Variants in TBC1D22A observed in about 807,000 individuals in gnomAD.
The protein encoded by TBC1D22A is TBC1 domain family member 22A.
TBC1D22A carries 38 observed loss-of-function variants against 60.2 expected under a neutral mutation model. That is an observed-to-expected ratio of 0.63 (90% CI 0.49 to 0.83). The LOEUF (loss-of-function observed/expected upper bound fraction) is 0.83. Ranked by LOEUF, TBC1D22A falls within the 40% of genes least tolerant of loss-of-function variation. The probability of loss-of-function intolerance (pLI) is 0.00; values close to 1 mark genes in which losing one functional copy is unlikely to be tolerated. For missense variants in TBC1D22A, 628 were observed against 701.0 expected (o/e 0.90, Z 1.18); for synonymous variants, 302 against 281.7 (o/e 1.07, Z -0.72).
intron 4 of TBC1D22A, among the ~76,000 whole-genome samples, chr22:46,800,697 T>C (rs1386760122): frequency 6.6e-6 from 1 of 152,252 alleles, no homozygotes; most frequent in Non-Finnish European, 1.5e-5. Flanking sequence ...ACAGAGTGCC[T>C]AGCACATACT....
At chr22:46,774,449 G>A (rs571395997) in intron 1 of TBC1D22A, among the ~76,000 whole-genome samples, 5 of 152,334 alleles carry the variant, frequency 3.3e-5, no homozygotes, top group Non-Finnish European at 2.9e-5. Context: ...ATTCCACCCC[G>A]AGTGCTGCGG....
chr22:46,776,145 T>C (rs921947590), intron 1 of TBC1D22A, among the ~76,000 whole-genome samples: 1 of 152,158 alleles, frequency 6.6e-6, no homozygotes, highest in Non-Finnish European at 1.5e-5. Flanking sequence ...ACTGAGGACA[T>C]GAGATGACAT....
At chr22:47,090,737 A>G (rs532339797) in intron 11 of TBC1D22A, among the ~76,000 whole-genome samples, 7,530 of 135,150 alleles carry the variant, frequency 0.056, 279 homozygotes, top group Middle Eastern at 0.17. Flanking sequence ...GTGGCCTCGC[A>G]GAGGGGGTGG....
At chr22:46,854,909 C>A (rs1290157546) in intron 4 of TBC1D22A, among the ~76,000 whole-genome samples, 1 of 152,232 alleles carries the variant, frequency 6.6e-6, no homozygotes, top group Admixed American at 6.5e-5. Flanking sequence ...CTGCCTAATA[C>A]TTGTGAACAG....
chr22:46,846,671 G>C (rs890001285), intron 4 of TBC1D22A, among the ~76,000 whole-genome samples: 2 of 152,166 alleles, frequency 1.3e-5, no homozygotes, highest in Non-Finnish European at 2.9e-5. Flanking sequence ...AGCCAGATTC[G>C]GCGGGTATCA....
chr22:47,005,558 C>G (rs1261078514), intron 10 of TBC1D22A, among the ~76,000 whole-genome samples: 3 of 151,634 alleles, frequency 2.0e-5, no homozygotes, highest in Non-Finnish European at 4.4e-5. Flanking sequence ...CTCCTACACA[C>G]ATATGCATAT....
At chr22:46,766,902 G>A (rs2083307551) in intron 1 of TBC1D22A, among the ~76,000 whole-genome samples, 1 of 152,104 alleles carries the variant, frequency 6.6e-6, no homozygotes, top group African/African-American at 2.4e-5. Flanking sequence ...CAGTGTTGTT[G>A]GTGCCTCTGG....
At chr22:47,091,173 GT>G (rs2064941824) in intron 11 of TBC1D22A, among the ~76,000 whole-genome samples, 1 of 125,904 alleles carries the variant, frequency 7.9e-6, no homozygotes, top group Non-Finnish European at 1.6e-5. Context: ...CGAGAAGTTG[GT>G]GGGGAGTGGC....
chr22:47,014,330 G>A (rs34980010), intron 10 of TBC1D22A, among the ~76,000 whole-genome samples: 36,598 of 152,020 alleles, frequency 0.24, 4,725 homozygotes, highest in East Asian at 0.29. Flanking sequence ...GTGCTGGGAC[G>A]GGGAGAGGTG....
intron 11 of TBC1D22A, among the ~76,000 whole-genome samples, chr22:47,061,827 C>A (rs1228864642): frequency 6.6e-6 from 1 of 152,158 alleles, no homozygotes; most frequent in Non-Finnish European, 1.5e-5. Context: ...GTGGCTCATG[C>A]CTGTAATCCC....
chr22:46,823,086 G>A (rs1473352907), intron 4 of TBC1D22A, among the ~76,000 whole-genome samples: 1 of 152,162 alleles, frequency 6.6e-6, no homozygotes, highest in Non-Finnish European at 1.5e-5. Context: ...TCAGGCTTCT[G>A]GGAGTGACTG....
In TBC1D22A at chr22:46,762,836, A is replaced by C. The variant is rs200768437; in HGVS notation, c.50A>C (p.Lys17Thr). 1,720 of 1,463,692 alleles carry C rather than the reference A, an allele frequency of 1.2e-3. No homozygotes were observed. Among genetic ancestry groups the C allele is most frequent in the Non-Finnish European group, 1.5e-3 (1,655 of 1,114,510 alleles). 90.7% of individuals were successfully genotyped at this position (1,463,692 alleles called of 1,614,324 possible). ...CAATTCTGGAAGCGCAGCAACAGCA[A>C]GCTCCCGGGCAGGTGGGTGTGCCGC... ...RKQFWKRSNS[K>T]LPGSIQHVYG... Residue 17 changes from lysine (K) to threonine (T), a missense_variant, in exon 1 of 13, where the codon AAG (lysine) becomes ACG (threonine). Coordinates refer to ENST00000337137, the MANE Select transcript of TBC1D22A (RefSeq NM_014346.5).
At chr22:46,999,314 C>T (rs962343425) in intron 10 of TBC1D22A, among the ~76,000 whole-genome samples, 7 of 152,162 alleles carry the variant, frequency 4.6e-5, no homozygotes, top group Admixed American at 1.3e-4. Flanking sequence ...TTATTTTCAG[C>T]GCAGTCTCTG....
At chr22:46,872,010 G>C (rs131860) in intron 4 of TBC1D22A, among the ~76,000 whole-genome samples, 2 of 151,986 alleles carry the variant, frequency 1.3e-5, no homozygotes, top group African/African-American at 2.4e-5. Flanking sequence ...CATTAAAAAG[G>C]TAATAAGGGA....
At chr22:46,956,990 C>T (rs2073231634) in intron 8 of TBC1D22A, among the ~76,000 whole-genome samples, 4 of 152,226 alleles carry the variant, frequency 2.6e-5, no homozygotes, top group African/African-American at 9.6e-5. Flanking sequence ...GGCTGGGGTG[C>T]AGCCAGCCCT....
At chr22:47,146,841 G>C (rs80252851) in intron 12 of TBC1D22A, among the ~76,000 whole-genome samples, 5,848 of 152,306 alleles carry the variant, frequency 0.038, 327 homozygotes, top group African/African-American at 0.13. Context: ...TGCAGAGGCG[G>C]CTCTGACACA....
chr22:47,057,233 G>A (rs145923834), intron 11 of TBC1D22A, among the ~76,000 whole-genome samples: 1 of 152,148 alleles, frequency 6.6e-6, no homozygotes, highest in East Asian at 1.9e-4. Context: ...ATGAGCGCTG[G>A]GCAGCTGGCT....
rs759803136 is a variant in TBC1D22A at position 46,912,160 on chromosome 22, C to G, written c.987C>G (p.Phe329Leu). 3 of 1,613,680 alleles carry G rather than the reference C, an allele frequency of 1.9e-6. No homozygotes were observed. The highest frequency in any genetic ancestry group is 2.2e-5 in the East Asian group (1 of 44,860). The change falls in exon 8 of 13, where the codon TTC becomes TTG. Residue 329 changes from phenylalanine to leucine, a missense_variant. Physicochemically the swap from Phe to Leu is conservative, Grantham distance 22 (BLOSUM62 0). Transcript: ENST00000337137. Reference protein sequence around the residue: ...VQGINDLVTPFFVVFICEYIE... With the variant: ...VQGINDLVTPLFVVFICEYIE... ...GTATAAATGATCTCGTCACTCCTTTCTTTGTGGTCTTCATTTGTGAATACA... is the reference window on the plus strand; with the variant it reads ...GTATAAATGATCTCGTCACTCCTTTGTTTGTGGTCTTCATTTGTGAATACA...
At chr22:47,000,254 A>G (rs1475738773) in intron 10 of TBC1D22A, among the ~76,000 whole-genome samples, 1 of 152,118 alleles carries the variant, frequency 6.6e-6, no homozygotes, top group Non-Finnish European at 1.5e-5. Context: ...ATAAGGGCTC[A>G]TCAGGAGCGA....
Sources: gnomAD v4.1 joint callset for allele counts (sites outside exome capture counted in the v4.1 genomes callset) on GRCh38, gnomAD v4.1.1 for gene constraint, MANE v1.5 for transcripts, NCBI Gene and HGNC (gene_info 2026-07-23, HGNC 2026-07-21) for gene names.